SLIT3: variants seen among roughly 807,000 people sequenced by gnomAD.
SLIT3 encodes the protein slit homolog 3 protein.
SLIT3 carries 68 observed loss-of-function variants against 184.0 expected under a neutral mutation model. That is an observed-to-expected ratio of 0.37 (90% CI 0.30 to 0.45). The LOEUF (loss-of-function observed/expected upper bound fraction) is 0.45. Among genes scored for constraint, SLIT3 ranks in the 20% least tolerant of loss-of-function variants. SLIT3 has a pLI of 1.00. For missense variants in SLIT3, 1,707 were observed against 2,026.0 expected (o/e 0.84, Z 3.02); for synonymous variants, 831 against 828.6 (o/e 1.00, Z -0.05).
intron 3 of SLIT3, among the ~76,000 whole-genome samples, chr5:169,229,686 T>C (rs1211547093): frequency 1.4e-5 from 2 of 139,824 alleles, no homozygotes; most frequent in Non-Finnish European, 3.4e-5. Context: ...TCATCACTCT[T>C]GGGCCGTGAT....
chr5:169,080,496 C>A (rs1415624438), intron 4 of SLIT3, among the ~76,000 whole-genome samples: 2 of 152,126 alleles, frequency 1.3e-5, no homozygotes, highest in African/African-American at 4.8e-5. Context: ...ATCCTGTGAG[C>A]AGGGGATTTG....
At chr5:169,225,043 T>C (rs898415354) in intron 3 of SLIT3, among the ~76,000 whole-genome samples, 7 of 152,220 alleles carry the variant, frequency 4.6e-5, no homozygotes, top group Non-Finnish European at 1.0e-4. Context: ...ATATATTTTA[T>C]GTAAATTACA....
chr5:169,207,366 TACATACACAC>T (rs1764107523), intron 3 of SLIT3, among the ~76,000 whole-genome samples: 1 of 84,356 alleles, frequency 1.2e-5, no homozygotes, highest in African/African-American at 5.1e-5. Context: ...TACATACACA[TACATACACAC>T]ACACACACAC....
intron 4 of SLIT3, among the ~76,000 whole-genome samples, chr5:169,007,330 T>C (rs543401040): frequency 6.6e-6 from 1 of 152,314 alleles, no homozygotes; most frequent in Admixed American, 6.5e-5. Flanking sequence ...TACTGCCAAG[T>C]CTCAGTATCT....
intron 3 of SLIT3, among the ~76,000 whole-genome samples, chr5:169,217,956 C>T (rs1047345970): frequency 6.6e-6 from 1 of 152,192 alleles, no homozygotes; most frequent in African/African-American, 2.4e-5. Context: ...GCACAGAAAG[C>T]AAGACCTTTC....
At chr5:169,098,915 C>G (rs1259704221) in intron 4 of SLIT3, among the ~76,000 whole-genome samples, 2 of 152,082 alleles carry the variant, frequency 1.3e-5, no homozygotes. Context: ...AGGAGGGTCA[C>G]ACACCTGGGC....
chr5:168,900,526 A>C (rs1760828532), intron 4 of SLIT3, among the ~76,000 whole-genome samples: 1 of 152,160 alleles, frequency 6.6e-6, no homozygotes, highest in Non-Finnish European at 1.5e-5. Flanking sequence ...GAGGTAGGAG[A>C]ATTGCTTGAA....
At chr5:169,180,602 T>C (rs916881934) in intron 4 of SLIT3, among the ~76,000 whole-genome samples, 4 of 152,140 alleles carry the variant, frequency 2.6e-5, no homozygotes, top group Non-Finnish European at 5.9e-5. Context: ...AAGACAGAGA[T>C]GGCAAATTCT....
rs150636880 is a variant in SLIT3 at position 169,193,548 on chromosome 5, C to T, written c.344G>A (p.Arg115His). ...GACTTGCAGCTTATTCTTGTTCAGG[C>T]GCCTAAAGAGGAAAGAGAATGGAAG... ...FQDLKQLERLRLNKNKLQVLP... is the reference protein window; with the variant it reads ...FQDLKQLERLHLNKNKLQVLP... Residue 115 changes from arginine to histidine, a missense_variant and splice_region_variant, in exon 4 of 36, where the codon CGC becomes CAC. By Grantham distance (29) the Arg-to-His change is conservative. Around this residue, in one of 3 missense-constraint regions of SLIT3, gnomAD observed 1,307 missense variants for 1,511.6 expected, o/e 0.86. Transcript: ENST00000519560. 1.9e-5 allele frequency: 30 copies of T among 1,613,564 alleles called. No individual in the cohort carries two copies. Among genetic ancestry groups the T allele is most frequent in the African/African-American group, 1.6e-4 (12 of 74,858 alleles).
chr5:168,829,017 G>A (rs1322360385), intron 6 of SLIT3, among the ~76,000 whole-genome samples: 1 of 152,134 alleles, frequency 6.6e-6, no homozygotes, highest in African/African-American at 2.4e-5. Context: ...ACCACCTTTG[G>A]AGAGCTCCAA....
At chr5:168,891,584 C>A (rs971159280) in intron 4 of SLIT3, among the ~76,000 whole-genome samples, 1 of 152,182 alleles carries the variant, frequency 6.6e-6, no homozygotes, top group African/African-American at 2.4e-5. Flanking sequence ...CAGGGCTGAA[C>A]AGCCAGGCTG....
In SLIT3 at chr5:169,190,116, A is replaced by G. The variant is rs1221604539; in HGVS notation, c.413+3363T>C. Among the ~76,000 whole-genome samples, 3 of 152,178 alleles carry G rather than the reference A, an allele frequency of 2.0e-5. No individual in the cohort carries two copies. The East Asian group carries it at 5.8e-4, about 29-fold the overall frequency. ...CACAGCTTGATAATCAGAGGACACCATCTCATTAGCAACATTGATTGGCTG... is the reference window on the plus strand; with the variant it reads ...CACAGCTTGATAATCAGAGGACACCGTCTCATTAGCAACATTGATTGGCTG... On this transcript the variant is annotated intron_variant, in intron 4 of 35. Transcript: ENST00000519560.
intron 4 of SLIT3, among the ~76,000 whole-genome samples, chr5:169,185,134 C>T (rs1763290863): frequency 2.0e-5 from 3 of 152,190 alleles, no homozygotes; most frequent in Admixed American, 6.6e-5. Flanking sequence ...TCTCTGTCCA[C>T]ACACAGATTA....
intron 3 of SLIT3, among the ~76,000 whole-genome samples, chr5:169,198,951 T>TACACACACAC (rs1477377593): frequency 2.9e-5 from 2 of 69,704 alleles, no homozygotes; most frequent in South Asian, 4.0e-4. Context: ...ACAAACAAAC[T>TACACACACAC]ATACACACAC....
chr5:168,845,219 TTA>T lies in SLIT3; in HGVS notation c.486-566_486-565del, dbSNP rs1758417017. On this transcript the variant is annotated intron_variant, in intron 5 of 35. Transcript: ENST00000519560. ...CAAATTAGACTCAACTAATCTAATTTTATAGTCTTTTTATTATTCTAAGCACC... is the reference window on the plus strand; with the variant it reads ...CAAATTAGACTCAACTAATCTAATTTTAGTCTTTTTATTATTCTAAGCACC... Among the ~76,000 whole-genome samples the T allele has an allele frequency of 7.2e-5, 11 of 152,290 alleles. No individual in the cohort carries two copies. The South Asian group carries it at 2.3e-3, about 32-fold the overall frequency.
At chr5:169,167,153 G>A (rs1426119980) in intron 4 of SLIT3, among the ~76,000 whole-genome samples, 1 of 151,224 alleles carries the variant, frequency 6.6e-6, no homozygotes, top group South Asian at 2.1e-4. Flanking sequence ...CTGGGCAACA[G>A]AGTGAGACCC....
At chr5:168,738,188 T>G (rs796088053) in intron 20 of SLIT3, among the ~76,000 whole-genome samples, 3 of 152,324 alleles carry the variant, frequency 2.0e-5, no homozygotes, top group African/African-American at 7.2e-5. Flanking sequence ...GGTTAAAATG[T>G]TATTTTCCTT....
chr5:168,947,871 C>A (rs2113228629), intron 4 of SLIT3, among the ~76,000 whole-genome samples: 1 of 152,232 alleles, frequency 6.6e-6, no homozygotes, highest in South Asian at 2.1e-4. Context: ...TGGCTCACTG[C>A]AACCTCTGTC....
At chr5:169,203,499 G>T (rs1763969627) in intron 3 of SLIT3, among the ~76,000 whole-genome samples, 1 of 152,126 alleles carries the variant, frequency 6.6e-6, no homozygotes, top group Non-Finnish European at 1.5e-5. Flanking sequence ...CATCCCTATA[G>T]TGACCTCTTC....
Sources: allele counts gnomAD v4.1 joint callset (sites outside exome capture counted in the v4.1 genomes callset), GRCh38; gene constraint gnomAD v4.1.1; regional missense constraint gnomAD v4.1.1; transcripts MANE v1.5; gene names NCBI Gene and HGNC (gene_info 2026-07-23, HGNC 2026-07-21).